Variants in ZNF518A observed in about 807,000 individuals in gnomAD.
ZNF518A encodes zinc finger protein 518.
ZNF518A carries 47 observed loss-of-function variants against 102.7 expected under a neutral mutation model. The observed-to-expected ratio is 0.46, with a 90% CI of 0.36 to 0.58. ZNF518A has a LOEUF of 0.58. ZNF518A is among the 20% of genes least tolerant of loss of function. The pLI is 0.00. For missense variants in ZNF518A, 1,793 were observed against 1,699.8 expected (o/e 1.05, Z -0.96); for synonymous variants, 652 against 594.6 (o/e 1.10, Z -1.40).
At chr10:96,178,234 G>A (rs2083217416) in intron 1 of ZNF518A, among the ~76,000 whole-genome samples, 1 of 152,016 alleles carries the variant, frequency 6.6e-6, no homozygotes, top group African/African-American at 2.4e-5. Context: ...AAATTTAAAA[G>A]GATTGAATTC....
intron 1 of ZNF518A, among the ~76,000 whole-genome samples, chr10:96,182,913 G>A (rs1299554544): frequency 5.3e-5 from 8 of 152,144 alleles, no homozygotes; most frequent in African/African-American, 1.9e-4. Context: ...CCTCCTCTTT[G>A]TACCTCTAGT....
rs1554895756 is a variant in ZNF518A, at chr10:96,200,179, G to T, written n.36-3395G>T. ...GCTTCCTGTGAAATGGAGGGCACTG[G>T]TCAGCATGGGATGGTCCCTACTTAA... On this transcript the variant is annotated intron_variant and non_coding_transcript_variant, in intron 1 of 2. Coordinates refer to the ZNF518A transcript ENST00000442635. The surrounding 1 kb of genome is among the most constrained non-coding windows in gnomAD (Gnocchi z 4.3). 1 of 1,607,296 alleles carries T rather than the reference G, an allele frequency of 6.2e-7. No individual in the cohort carries two copies. The highest frequency in any genetic ancestry group is 2.2e-5 in the East Asian group (1 of 44,840).
At chr10:96,196,236 G>A (rs1198935695) in intron 1 of ZNF518A, among the ~76,000 whole-genome samples, 2 of 151,956 alleles carry the variant, frequency 1.3e-5, no homozygotes, top group East Asian at 3.8e-4. Context: ...AATTCAACCC[G>A]TAATTCAAAA....
Position 96,159,192 on chromosome 10 carries a change from C to A in ZNF518A, c.2870C>A (p.Ala957Glu). The change falls in exon 6 of 6, where the codon GCA becomes GAA. Residue 957 changes from alanine (A) to glutamate (E), a missense_variant. Ala to Glu is a moderately radical substitution (Grantham distance 107). Transcript: ENST00000316045. Reference sequence around the variant, plus strand: ...GGGCTACCAGTTATTCCTGGAAATGCACTTCCATTGGTTAATTCACAAGGT... The same window carrying A: ...GGGCTACCAGTTATTCCTGGAAATGAACTTCCATTGGTTAATTCACAAGGT... ...KPGLPVIPGN[A>E]LPLVNSQGIP... The A allele has an allele frequency of 6.2e-7, 1 of 1,613,762 alleles. No homozygotes were observed. Among genetic ancestry groups the A allele is most frequent in the Non-Finnish European group, 8.5e-7 (1 of 1,179,746 alleles).
At chr10:96,201,725 A>G (rs587719825) in intron 1 of ZNF518A, among the ~76,000 whole-genome samples, 1 of 144,924 alleles carries the variant, frequency 6.9e-6, no homozygotes, top group African/African-American at 2.5e-5. Context: ...TGAAATACGA[A>G]AAAGACTTAT....
intron 3 of ZNF518A, among the ~76,000 whole-genome samples, chr10:96,147,119 A>G (rs2082206536): frequency 6.6e-6 from 1 of 152,228 alleles, no homozygotes; most frequent in Admixed American, 6.5e-5. Context: ...TAAGCTCACC[A>G]TGCAGTTGAT....
At chr10:96,173,625 A>T (rs1249588823) in intron 1 of ZNF518A, among the ~76,000 whole-genome samples, 1 of 152,218 alleles carries the variant, frequency 6.6e-6, no homozygotes, top group Non-Finnish European at 1.5e-5. Context: ...CACAAAATCC[A>T]TGAAGCAAAA....
chr10:96,177,067 A>G (rs1286151596), intron 1 of ZNF518A, among the ~76,000 whole-genome samples: 1 of 118,652 alleles, frequency 8.4e-6, no homozygotes, highest in Non-Finnish European at 1.8e-5. Flanking sequence ...CAACAGAGTG[A>G]GTCTCTGTCT....
rs973141540 is a variant in ZNF518A, at chr10:96,130,457, A to G, written c.-748A>G. On this transcript the variant is annotated 5_prime_UTR_variant, in exon 1 of 6. Coordinates refer to ENST00000316045, the MANE Select transcript of ZNF518A (RefSeq NM_001330736.2). ...ATTCTAGGAGCTGGGTGGGAGTAGGAGACGGTGTGCCTCCGCGCTCCCCGC... is the reference window on the plus strand; with the variant it reads ...ATTCTAGGAGCTGGGTGGGAGTAGGGGACGGTGTGCCTCCGCGCTCCCCGC... Among the ~76,000 whole-genome samples the G allele has an allele frequency of 2.6e-5, 4 of 152,194 alleles. No individual in the cohort carries two copies. The highest frequency in any genetic ancestry group is 9.6e-5 in the African/African-American group (4 of 41,452).
chr10:96,166,526 TGG>T (rs1285021155), downstream of ZNF518A, among the ~76,000 whole-genome samples: 1 of 152,060 alleles, frequency 6.6e-6, no homozygotes, highest in East Asian at 1.9e-4. Context: ...CCCAGCACTC[TGG>T]GAGGCCGAGA....
At chr10:96,134,076 A>G (rs897986282) in intron 3 of ZNF518A, among the ~76,000 whole-genome samples, 1 of 152,180 alleles carries the variant, frequency 6.6e-6, no homozygotes, top group African/African-American at 2.4e-5. Context: ...ATACTCCAAA[A>G]TCTGAAACTT....
chr10:96,136,840 A>ACCCT (rs1309316271), intron 3 of ZNF518A, among the ~76,000 whole-genome samples: 4 of 152,104 alleles, frequency 2.6e-5, no homozygotes, highest in African/African-American at 9.7e-5. Flanking sequence ...CTCGCATCTG[A>ACCCT]CCCTCAGAGA....
At position 96,159,241 on chromosome 10, in the gene ZNF518A, C is replaced by T; in HGVS notation, c.2919C>T (p.Asn973=). ...SQGIPASLFV[N]KKPGMVLTLN... ...GTATCCCTGCTTCTCTTTTTGTAAA[C>T]AAGAAACCTGGGATGGTTTTAACAC... is the stretch of plus-strand genomic sequence containing the variant. The change falls in exon 6 of 6, where the codon AAC becomes AAT. Residue 973 remains asparagine (N), a synonymous_variant. Coordinates refer to ENST00000316045, the MANE Select transcript of ZNF518A (RefSeq NM_001330736.2). 1 of 1,613,444 alleles carries T rather than the reference C, an allele frequency of 6.2e-7. No individual in the cohort carries two copies. The highest frequency in any genetic ancestry group is 8.5e-7 in the Non-Finnish European group (1 of 1,179,662).
At chr10:96,153,067 A>G (rs1298667049) in intron 3 of ZNF518A, among the ~76,000 whole-genome samples, 3 of 152,214 alleles carry the variant, frequency 2.0e-5, no homozygotes, top group African/African-American at 7.2e-5. Flanking sequence ...AGAGAACCCA[A>G]TGGTCCAATT....
chr10:96,204,459 G>A, downstream of ZNF518A: 1 of 1,445,532 alleles, frequency 6.9e-7, no homozygotes, highest in East Asian at 2.3e-5. Flanking sequence ...GTGTCACTGT[G>A]CAGTGAAACA....
chr10:96,194,331 GT>G (rs1286507263), intron 1 of ZNF518A, among the ~76,000 whole-genome samples: 6 of 152,162 alleles, frequency 3.9e-5, no homozygotes, highest in Non-Finnish European at 5.9e-5. Flanking sequence ...AGATTCAAGA[GT>G]TTTGCATTTT....
downstream of ZNF518A, chr10:96,204,132 T>A: frequency 6.2e-7 from 1 of 1,608,266 alleles, no homozygotes; most frequent in Non-Finnish European, 8.5e-7. Flanking sequence ...AAGCACAATA[T>A]GAGTAAGTTT....
Position 96,157,749 on chromosome 10 carries a change from C to T in ZNF518A, c.1427C>T (p.Ala476Val). 1 of 1,613,888 alleles carries T rather than the reference C, an allele frequency of 6.2e-7. No homozygotes were observed. Among genetic ancestry groups the T allele is most frequent in the East Asian group, 2.2e-5 (1 of 44,878 alleles). Residue 476 changes from alanine (A) to valine (V), a missense_variant, in exon 6 of 6, where the codon GCT becomes GTT. By Grantham distance (64) the Ala-to-Val change is moderately conservative. Around this residue, in one of 3 missense-constraint regions of ZNF518A, gnomAD observed 1,741 missense variants for 1,622.6 expected, o/e 1.07. Coordinates refer to ENST00000316045, the MANE Select transcript of ZNF518A (RefSeq NM_001330736.2). ...TGTTCACCAGGCTCACAGTCAGGTG[C>T]TGCAAAGGACGGTACTGCTAATTTG... ...NVCSPGSQSG[A>V]AKDGTANLQP...
rs2082977400 is a variant in ZNF518A at position 96,160,985 on chromosome 10, T to G, written c.*211T>G. The G allele has an allele frequency of 2.0e-6, 1 of 492,576 alleles. No individual in the cohort carries two copies. Among genetic ancestry groups the G allele is most frequent in the Non-Finnish European group, 3.5e-6 (1 of 288,656 alleles). The allele number at this position is 492,576 out of a possible 1,614,324, so 30.5% of individuals were successfully genotyped here. A position where few individuals can be genotyped will look rare whatever the true frequency, so the allele number is the denominator to read the frequency against. ...ACTCAAAAGTTTTGAAAGAAACTAA[T>G]CACAGCACAGAAGTACCTTGATTTA... is the stretch of plus-strand genomic sequence containing the variant. On this transcript the variant is annotated 3_prime_UTR_variant, in exon 6 of 6. Coordinates refer to ENST00000316045, the MANE Select transcript of ZNF518A (RefSeq NM_001330736.2).
Sources: gnomAD v4.1 joint callset for allele counts (sites outside exome capture counted in the v4.1 genomes callset) on GRCh38, gnomAD v4.1.1 for gene constraint, gnomAD v4.1.1 regional missense constraint, Gnocchi (gnomAD v3.1) non-coding constraint, MANE v1.5 for transcripts, NCBI Gene and HGNC (gene_info 2026-07-23, HGNC 2026-07-21) for gene names.